Variants in SPATA13 observed in about 807,000 individuals in gnomAD.
SPATA13 encodes the protein spermatogenesis associated 13, also known as spermatogenesis-associated protein 13.
Under a neutral mutation model 104.0 loss-of-function variants are expected in SPATA13, and 50 were observed. The ratio of observed to expected loss-of-function variants is 0.48; its 90% CI spans 0.38 to 0.61. The LOEUF (loss-of-function observed/expected upper bound fraction) is 0.61, where lower values mean the gene tolerates loss of function less well. Ranked by LOEUF, SPATA13 falls within the 20% of genes least tolerant of loss-of-function variation. SPATA13 has a pLI of 0.00. For missense variants in SPATA13, 1,524 were observed against 1,690.6 expected, an observed-to-expected ratio of 0.90 and a Z score of 1.73; for synonymous variants, 606 against 667.5, an observed-to-expected ratio of 0.91 and a Z score of 1.42.
intron 4 of SPATA13, among the ~76,000 whole-genome samples, chr13:24,270,077 C>T (rs1487802152): frequency 5.3e-5 from 8 of 151,994 alleles, no homozygotes; most frequent in Non-Finnish European, 1.0e-4. Flanking sequence ...GTATATATTA[C>T]CTCATTGTTC....
At position 24,223,259 on chromosome 13, in the gene SPATA13, A is replaced by C. The variant is rs1871709521; in HGVS notation, c.330A>C (p.Lys110Asn). The C allele has an allele frequency of 7.7e-6, 12 of 1,551,660 alleles. No individual in the cohort carries two copies. The highest frequency in any genetic ancestry group is 1.4e-5 in the African/African-American group (1 of 73,166). Residue 110 changes from lysine to asparagine, a missense_variant, in exon 2 of 13, where the codon AAA becomes AAC. Lys to Asn is a moderately conservative substitution (Grantham distance 94). This residue lies in a region of SPATA13 where 1,089 missense variants were observed against 1,135.9 expected (regional missense o/e 0.96). Transcript: ENST00000382108. ...STWNTLASFR[K>N]MGSFKKLKSS... Reference sequence around the variant, plus strand: ...GGAACACCCTCGCCTCCTTCCGGAAAATGGGATCCTTTAAGAAACTGAAGT... The same window carrying C: ...GGAACACCCTCGCCTCCTTCCGGAACATGGGATCCTTTAAGAAACTGAAGT...
intron 3 of SPATA13, among the ~76,000 whole-genome samples, chr13:24,132,280 A>C (rs1254859761): frequency 6.6e-6 from 1 of 152,238 alleles, no homozygotes; most frequent in East Asian, 1.9e-4. Context: ...CCCCCAAAAA[A>C]TCTTCTGTTA....
chr13:24,302,185 G>C (rs1184949251), intron 12 of SPATA13, among the ~76,000 whole-genome samples: 1 of 152,080 alleles, frequency 6.6e-6, no homozygotes, highest in Non-Finnish European at 1.5e-5. Context: ...AGGCTTTTTG[G>C]GAGAGTTCAG....
intron 3 of SPATA13, among the ~76,000 whole-genome samples, chr13:24,028,697 G>A (rs549867381): frequency 6.6e-6 from 1 of 152,212 alleles, no homozygotes; most frequent in East Asian, 1.9e-4. Context: ...TCTTTGTATA[G>A]AATTCCAATT....
At chr13:24,144,363 G>A (rs1324496672) in intron 3 of SPATA13, among the ~76,000 whole-genome samples, 1 of 152,130 alleles carries the variant, frequency 6.6e-6, no homozygotes, top group East Asian at 1.9e-4. Context: ...AAGAGCACTT[G>A]TAAACTCTTT....
chr13:24,159,906 T>C (rs1468655952), upstream of SPATA13, among the ~76,000 whole-genome samples: 3 of 152,196 alleles, frequency 2.0e-5, no homozygotes, highest in Non-Finnish European at 4.4e-5. Context: ...ATGAATTCCA[T>C]TAGCTGCCTA....
intron 1 of SPATA13, among the ~76,000 whole-genome samples, chr13:23,980,951 G>A (rs1053943543): frequency 1.3e-5 from 2 of 152,194 alleles, no homozygotes; most frequent in Non-Finnish European, 2.9e-5. Context: ...ATCTACTGAT[G>A]GGAGTTCCTT....
At chr13:24,072,759 T>C (rs1879208911) in intron 3 of SPATA13, among the ~76,000 whole-genome samples, 1 of 151,630 alleles carries the variant, frequency 6.6e-6, no homozygotes, top group Admixed American at 6.6e-5. Context: ...CTCTCCTCCC[T>C]CGGCATCGCT....
intron 1 of SPATA13, among the ~76,000 whole-genome samples, chr13:24,193,940 TG>T (rs1465582891): frequency 6.6e-6 from 1 of 152,064 alleles, no homozygotes; most frequent in Non-Finnish European, 1.5e-5. Flanking sequence ...TTTAGAAGGG[TG>T]GAAGCTTTGA....
chr13:24,151,706 T>C (rs1325864938), intron 3 of SPATA13, among the ~76,000 whole-genome samples: 1 of 152,200 alleles, frequency 6.6e-6, no homozygotes, highest in African/African-American at 2.4e-5. Context: ...AGGGCTCAGC[T>C]TCCTTATCTG....
chr13:24,173,363 TG>T (rs1883067904), intron 1 of SPATA13, among the ~76,000 whole-genome samples: 3 of 1,658 alleles, frequency 1.8e-3, no homozygotes, highest in Non-Finnish European at 0.014. Flanking sequence ...AGTTCTTAGT[TG>T]TGTGTGTGTG....
intron 3 of SPATA13, among the ~76,000 whole-genome samples, chr13:24,085,427 T>C (rs550792060): frequency 6.6e-6 from 1 of 152,258 alleles, no homozygotes; most frequent in African/African-American, 2.4e-5. Context: ...GCGTCCAGCT[T>C]CTGCCTGCTT....
intron 4 of SPATA13, among the ~76,000 whole-genome samples, chr13:24,278,993 C>CCTCCCTCA (rs1875272887): frequency 8.4e-6 from 1 of 119,526 alleles, no homozygotes; most frequent in South Asian, 2.7e-4. Context: ...TCCCTCCCTC[C>CCTCCCTCA]CTTCCTTCCT....
At chr13:24,209,519 A>G (rs2138585835) in intron 1 of SPATA13, among the ~76,000 whole-genome samples, 1 of 152,238 alleles carries the variant, frequency 6.6e-6, no homozygotes, top group East Asian at 1.9e-4. Flanking sequence ...ATCATGTGGT[A>G]TTTGTCTCTC....
rs748860400 is a variant in SPATA13 at position 24,249,604 on chromosome 13, G to A, written c.1781G>A (p.Gly594Asp). Residue 594 changes from glycine (G) to aspartate (D), a missense_variant, in exon 3 of 13, where the codon GGC becomes GAC. Physicochemically the swap from Gly to Asp is moderately conservative, Grantham distance 94 (BLOSUM62 -1). Coordinates refer to ENST00000382108, the MANE Select transcript of SPATA13 (RefSeq NM_001166271.3). Reference sequence around the variant, plus strand: ...AGGCCTCGGCCATTCTCTGACTACGGCCAGCTGGCCAGCCGCAGTTTGTCT... The same window carrying A: ...AGGCCTCGGCCATTCTCTGACTACGACCAGCTGGCCAGCCGCAGTTTGTCT... Reference protein sequence around the residue: ...RPRPRPFSDYGQLASRSLSIP... With the variant: ...RPRPRPFSDYDQLASRSLSIP... The A allele has an allele frequency of 4.3e-6, 7 of 1,613,860 alleles. No homozygotes were observed. The highest frequency in any genetic ancestry group is 2.5e-6 in the Non-Finnish European group (3 of 1,179,902).
chr13:24,002,059 G>A (rs530137555), intron 2 of SPATA13, among the ~76,000 whole-genome samples: 23 of 152,194 alleles, frequency 1.5e-4, no homozygotes, highest in African/African-American at 5.3e-4. Context: ...TTACATGGCC[G>A]AGAGGGAGTG....
At chr13:24,182,867 A>G (rs144347146) in intron 1 of SPATA13, among the ~76,000 whole-genome samples, 2 of 152,308 alleles carry the variant, frequency 1.3e-5, no homozygotes, top group East Asian at 3.9e-4. Context: ...CGGGCCAGGT[A>G]AACAAAGCTA....
In SPATA13 at chr13:24,160,748, G is replaced by A. The variant is rs1430167801; in HGVS notation, c.-296G>A. The A allele has an allele frequency of 5.1e-6, 5 of 985,576 alleles. No homozygotes were observed. In the African/African-American group the frequency reaches 7.0e-5, roughly 14 times the overall value. 61.1% of individuals were successfully genotyped at this position (985,576 alleles called of 1,614,324 possible). On this transcript the variant is annotated 5_prime_UTR_variant, in exon 1 of 13. In the 5' UTR this introduces an upstream ATG that the reference lacks. Coordinates refer to ENST00000382108, the MANE Select transcript of SPATA13 (RefSeq NM_001166271.3). ...TGTGCTGCCGCGGCGCGGGAGGAGA[G>A]TGTGCGTTGCGCTTTCTCCCGCGAT...
intron 2 of SPATA13, among the ~76,000 whole-genome samples, 157 bp from the exon 3 acceptor site, chr13:24,249,320 T>C (rs923783389): frequency 2.0e-5 from 3 of 152,280 alleles, no homozygotes; most frequent in Non-Finnish European, 4.4e-5. Context: ...GGTTTGGTTG[T>C]GTCTTCATGT....
Sources: gnomAD v4.1 joint callset for allele counts (sites outside exome capture counted in the v4.1 genomes callset) on GRCh38, gnomAD v4.1.1 for gene constraint, gnomAD v4.1.1 regional missense constraint, MANE v1.5 for transcripts, NCBI Gene and HGNC (gene_info 2026-07-23, HGNC 2026-07-21) for gene names.